The following HDAC9 variants were observed in gnomAD, a reference collection of about 807,000 sequenced individuals.
HDAC9 encodes the protein MEF-2 interacting transcription repressor (MITR) protein.
Under a neutral mutation model 139.4 loss-of-function variants are expected in HDAC9, and 41 were observed. That is an observed-to-expected ratio of 0.29 (90% CI 0.23 to 0.38). The LOEUF is 0.38. Among genes scored for constraint, HDAC9 ranks in the 10% least tolerant of loss-of-function variants. The probability of loss-of-function intolerance (pLI) is 1.00; values close to 1 mark genes in which losing one functional copy is unlikely to be tolerated. For missense variants in HDAC9, 1,147 were observed against 1,297.0 expected (o/e 0.88, Z 1.78); for synonymous variants, 517 against 476.2 (o/e 1.09, Z -1.12).
chr7:18,654,335 T>C (rs1465064819), intron 11 of HDAC9, among the ~76,000 whole-genome samples: 2 of 152,180 alleles, frequency 1.3e-5, no homozygotes, highest in African/African-American at 4.8e-5. Flanking sequence ...TTTTAGGCAC[T>C]GTGCATCTTT....
chr7:18,561,341 C>T (rs906108738), intron 2 of HDAC9, among the ~76,000 whole-genome samples: 1 of 152,154 alleles, frequency 6.6e-6, no homozygotes, highest in Non-Finnish European at 1.5e-5. Context: ...CAGAGATTAT[C>T]TTCATTTCTG....
Position 18,538,521 on chromosome 7 carries a change from TACTA to T in HDAC9, c.22+42203_22+42206del, listed in dbSNP as rs538897715. ...ACACTTGAATTTTATTTTTACCCCTTACTAACTAATAGCTATTTAACGGCCATGA... is the reference window on the plus strand; with the variant it reads ...ACACTTGAATTTTATTTTTACCCCTTACTAATAGCTATTTAACGGCCATGA... On this transcript the variant is annotated intron_variant, in intron 2 of 25. Transcript: ENST00000686413. 3.9e-5 allele frequency among the ~76,000 whole-genome samples: 6 copies of T among 152,318 alleles called. No homozygotes were observed. The South Asian group carries it at 1.0e-3, about 26-fold the overall frequency.
At chr7:18,918,216 T>A (rs1208993218) in intron 22 of HDAC9, among the ~76,000 whole-genome samples, 1 of 151,870 alleles carries the variant, frequency 6.6e-6, no homozygotes, top group East Asian at 1.9e-4. Flanking sequence ...ACTGTGACAA[T>A]GAAAACATTC....
intron 21 of HDAC9, among the ~76,000 whole-genome samples, chr7:18,861,340 C>T (rs1554382347): frequency 1.3e-5 from 2 of 152,118 alleles, no homozygotes; most frequent in Non-Finnish European, 2.9e-5. Context: ...GATTTCAGTA[C>T]AGAGTTTAAC....
chr7:18,734,048 C>T (rs1253429124), intron 13 of HDAC9, among the ~76,000 whole-genome samples: 1 of 151,960 alleles, frequency 6.6e-6, no homozygotes, highest in Non-Finnish European at 1.5e-5. Context: ...TCACGTATAC[C>T]TTGTTTTATT....
At chr7:18,795,257 TAAAAAAAAAAAAAA>T (rs5882676) in intron 17 of HDAC9, among the ~76,000 whole-genome samples, 2 of 65,482 alleles carry the variant, frequency 3.1e-5, no homozygotes, top group African/African-American at 6.9e-5. Context: ...AAGAAAACAG[TAAAAAAAAAAAAAA>T]AAAAAAAAAA....
chr7:18,133,388 A>G (rs1049464183), intron 1 of HDAC9, among the ~76,000 whole-genome samples: 6 of 152,158 alleles, frequency 3.9e-5, no homozygotes, highest in African/African-American at 1.4e-4. Context: ...GATATTCTAG[A>G]TGACATGTGA....
At chr7:18,752,444 T>C (rs184418580) in intron 14 of HDAC9, among the ~76,000 whole-genome samples, 1 of 152,212 alleles carries the variant, frequency 6.6e-6, no homozygotes, top group East Asian at 1.9e-4. Flanking sequence ...AGGACCCAAA[T>C]AAAGAGAATC....
intron 11 of HDAC9, among the ~76,000 whole-genome samples, chr7:18,652,629 C>A (rs1016936003): frequency 6.6e-6 from 1 of 152,012 alleles, no homozygotes; most frequent in African/African-American, 2.4e-5. Context: ...CAACATTATT[C>A]TTTATTTCTC....
Position 18,561,675 on chromosome 7 carries a change from T to C in HDAC9, c.23-23606T>C, listed in dbSNP as rs183481964. Among the ~76,000 whole-genome samples, 849 of 152,228 alleles carry C rather than the reference T, an allele frequency of 5.6e-3. 9 individuals are homozygous for C. The highest frequency in any genetic ancestry group is 0.02 in the African/African-American group (823 of 41,542). On this transcript the variant is annotated intron_variant, in intron 2 of 25. Coordinates refer to ENST00000686413, the MANE Select transcript of HDAC9 (RefSeq NM_178425.4). ...TAAATGTGCCCATTTTTTGGACATTTGATATAAATGAAACGATACCAAATA... is the reference window on the plus strand; with the variant it reads ...TAAATGTGCCCATTTTTTGGACATTCGATATAAATGAAACGATACCAAATA...
At chr7:18,404,647 T>C (rs1371770390) in intron 1 of HDAC9, among the ~76,000 whole-genome samples, 1 of 152,202 alleles carries the variant, frequency 6.6e-6, no homozygotes, top group Non-Finnish European at 1.5e-5. Flanking sequence ...CACTTAATCA[T>C]TGATAGGTCT....
chr7:18,171,594 G>A (rs1204157652), intron 2 of HDAC9, among the ~76,000 whole-genome samples: 1 of 152,072 alleles, frequency 6.6e-6, no homozygotes, highest in Non-Finnish European at 1.5e-5. Flanking sequence ...GTCATAAATA[G>A]GCCTTATTAT....
intron 1 of HDAC9, chr7:18,458,964 G>T: frequency 8.4e-7 from 1 of 1,196,080 alleles, no homozygotes; most frequent in South Asian, 1.3e-5. Flanking sequence ...ATGAGTGGGT[G>T]ACTTCCTTTT....
chr7:18,192,959 T>C (rs1430551327), intron 2 of HDAC9, among the ~76,000 whole-genome samples: 1 of 152,222 alleles, frequency 6.6e-6, no homozygotes, highest in Non-Finnish European at 1.5e-5. Flanking sequence ...TGAAAGAGGC[T>C]GATTCTCATT....
chr7:18,372,680 G>A (rs1403048648), intron 1 of HDAC9, among the ~76,000 whole-genome samples: 1 of 152,150 alleles, frequency 6.6e-6, no homozygotes, highest in African/African-American at 2.4e-5. Flanking sequence ...TTATAAGCTA[G>A]GCCCAGACCT....
At chr7:18,624,025 C>T (rs540352425) in intron 6 of HDAC9, among the ~76,000 whole-genome samples, 9 of 152,260 alleles carry the variant, frequency 5.9e-5, no homozygotes, top group African/African-American at 2.2e-4. Context: ...AGTTTGTGTG[C>T]CTGTCTGCAT....
chr7:18,839,445 G>A (rs1301655454), intron 21 of HDAC9, among the ~76,000 whole-genome samples: 5 of 151,960 alleles, frequency 3.3e-5, no homozygotes, highest in East Asian at 1.9e-4. Flanking sequence ...CTTCATGCCC[G>A]CATAGCCTCC....
intron 12 of HDAC9, among the ~76,000 whole-genome samples, chr7:18,681,944 T>C (rs1781919240): frequency 6.6e-6 from 1 of 152,020 alleles, no homozygotes; most frequent in Admixed American, 6.6e-5. Context: ...TAGATTGGGA[T>C]TTTTTAAGCA....
chr7:18,932,550 T>C (rs1208345264), intron 22 of HDAC9, among the ~76,000 whole-genome samples: 3 of 152,022 alleles, frequency 2.0e-5, no homozygotes, highest in Non-Finnish European at 4.4e-5. Context: ...GTTGGAACAT[T>C]AATAATCTAC....
Sources: gnomAD v4.1 joint callset for allele counts (sites outside exome capture counted in the v4.1 genomes callset) on GRCh38, gnomAD v4.1.1 for gene constraint, MANE v1.5 for transcripts, NCBI Gene and HGNC (gene_info 2026-07-23, HGNC 2026-07-21) for gene names.